PLB1: variants seen among roughly 807,000 people sequenced by gnomAD.
The protein encoded by PLB1 is phospholipase B1, membrane-associated.
In PLB1, 242 loss-of-function variants were observed where a neutral mutation model predicts 227.4. That is an observed-to-expected ratio of 1.06 (90% confidence interval 0.96 to 1.18). The LOEUF is 1.18. Ranked by LOEUF, PLB1 falls within the 50% of genes most tolerant of loss-of-function variation. PLB1 has a pLI of 0.00. For missense variants in PLB1, 1,858 were observed against 1,816.3 expected (o/e 1.02, Z -0.42); for synonymous variants, 757 against 682.2 (o/e 1.11, Z -1.71).
chr2:28,560,468 A>G (rs959574725), intron 17 of PLB1, among the ~76,000 whole-genome samples: 1 of 152,174 alleles, frequency 6.6e-6, no homozygotes, highest in African/African-American at 2.4e-5. Context: ...GAGTAATTAC[A>G]TATATAGCAA....
intron 49 of PLB1, among the ~76,000 whole-genome samples, chr2:28,624,317 T>C (rs1224124312): frequency 1.3e-5 from 2 of 152,036 alleles, no homozygotes; most frequent in Admixed American, 6.6e-5. Flanking sequence ...GATCAAAGAG[T>C]ATATACTTTT....
At chr2:28,623,504 T>C (rs1023965273) in intron 49 of PLB1, among the ~76,000 whole-genome samples, 1 of 152,218 alleles carries the variant, frequency 6.6e-6, no homozygotes, top group Non-Finnish European at 1.5e-5. Context: ...AGTCTTTCTT[T>C]ATAGCTTTCT....
chr2:28,587,486 T>G (rs1451932824), intron 26 of PLB1, among the ~76,000 whole-genome samples: 1 of 152,144 alleles, frequency 6.6e-6, no homozygotes, highest in Non-Finnish European at 1.5e-5. Context: ...GGCACATGCC[T>G]GTAGCCTCAG....
At chr2:28,538,503 A>G in intron 10 of PLB1, 122 bp downstream of exon 10, 1 of 802,262 alleles carries the variant, frequency 1.2e-6, no homozygotes, top group Non-Finnish European at 2.0e-6. Context: ...GAAAGGGGAA[A>G]CTTTAGAGCA....
At chr2:28,576,346 G>A (rs1678934337) in intron 21 of PLB1, among the ~76,000 whole-genome samples, 1 of 152,166 alleles carries the variant, frequency 6.6e-6, no homozygotes, top group Non-Finnish European at 1.5e-5. Flanking sequence ...CATTTACAAG[G>A]CACCCTCACG....
chr2:28,541,390 C>T (rs1672461973), intron 12 of PLB1, among the ~76,000 whole-genome samples: 2 of 152,204 alleles, frequency 1.3e-5, no homozygotes, highest in South Asian at 2.1e-4. Context: ...CCTGACTCTA[C>T]TGAACTTAGC....
chr2:28,540,329 C>T, intron 11 of PLB1, 37 bp from the exon 12 acceptor site: 2 of 1,585,386 alleles, frequency 1.3e-6, no homozygotes, highest in Non-Finnish European at 1.7e-6. Context: ...CCCACACTGC[C>T]TCCCCTCTCT....
chr2:28,537,553 T>C (rs1305472495), intron 9 of PLB1, among the ~76,000 whole-genome samples: 2 of 149,530 alleles, frequency 1.3e-5, no homozygotes, highest in South Asian at 2.1e-4. Context: ...TAGCTGGGCA[T>C]GGTGGCGGGC....
chr2:28,639,911 C>T (rs182547972), intron 56 of PLB1, among the ~76,000 whole-genome samples: 6 of 152,302 alleles, frequency 3.9e-5, no homozygotes, highest in Admixed American at 3.9e-4. Context: ...AGAGAAGTAG[C>T]CAGCCCAGCA....
chr2:28,526,808 G>A (rs1670320028), intron 6 of PLB1, among the ~76,000 whole-genome samples: 1 of 152,192 alleles, frequency 6.6e-6, no homozygotes, highest in Non-Finnish European at 1.5e-5. Context: ...TGAAAGGAGG[G>A]GCCCATGAAT....
intron 43 of PLB1, among the ~76,000 whole-genome samples, chr2:28,612,769 A>ATTTTTTTTTTTTTTTTTTTTTTTTT (rs10557060): frequency 1.6e-5 from 2 of 124,908 alleles, no homozygotes; most frequent in African/African-American, 6.1e-5. Context: ...CCACACCTGG[A>ATTTTTTTTTTTTTTTTTTTTTTTTT]TTTTTTTTTT....
chr2:28,498,603 T>C (rs1666747315), intron 1 of PLB1, among the ~76,000 whole-genome samples: 1 of 152,204 alleles, frequency 6.6e-6, no homozygotes, highest in African/African-American at 2.4e-5. Flanking sequence ...CTCACTACCA[T>C]TTATTGAAAA....
At chr2:28,566,723 G>A in intron 19 of PLB1, 73 bp from the exon 20 acceptor site, 1 of 1,539,312 alleles carries the variant, frequency 6.5e-7, no homozygotes, top group East Asian at 2.2e-5. Flanking sequence ...GGGCGTTTCT[G>A]GCTAGTGTCT....
At chr2:28,510,254 A>G (rs182371373) in intron 1 of PLB1, among the ~76,000 whole-genome samples, 4 of 152,324 alleles carry the variant, frequency 2.6e-5, no homozygotes, top group African/African-American at 9.6e-5. Context: ...CTCACCTTAT[A>G]GGTGAGGAAA....
chr2:28,592,531 G>A (rs1682143731), intron 31 of PLB1, 130 bp from the exon 32 acceptor site: 1 of 893,752 alleles, frequency 1.1e-6, no homozygotes, highest in Non-Finnish European at 1.9e-6. Context: ...ATGGCACTGT[G>A]CACACCCAGC....
chr2:28,591,013 G>T, intron 29 of PLB1, 120 bp from the exon 30 acceptor site: 1 of 1,269,688 alleles, frequency 7.9e-7, no homozygotes, highest in Non-Finnish European at 1.1e-6. Flanking sequence ...TAGAGGCTGG[G>T]CTTGGGACAC....
chr2:28,551,953 T>C (rs1189320566), intron 16 of PLB1, among the ~76,000 whole-genome samples: 3 of 152,162 alleles, frequency 2.0e-5, no homozygotes, highest in Non-Finnish European at 2.9e-5. Flanking sequence ...TAGGCAGCAA[T>C]AACTATTTGT....
chr2:28,578,061 G>A (rs1448168022), intron 21 of PLB1, 46 bp from the exon 22 acceptor site: 2 of 1,590,918 alleles, frequency 1.3e-6, no homozygotes. Context: ...AAGGGCCCCT[G>A]CCAGTCCCCA....
intron 21 of PLB1, 42 bp downstream of exon 21, chr2:28,573,347 T>G (rs1367517004): frequency 4.1e-6 from 6 of 1,463,046 alleles, no homozygotes; most frequent in Non-Finnish European, 5.7e-6. Flanking sequence ...ACAGGTCCTC[T>G]GAGGACCAGG....
Sources: allele counts gnomAD v4.1 joint callset (sites outside exome capture counted in the v4.1 genomes callset), GRCh38; gene constraint gnomAD v4.1.1; transcripts MANE v1.5; gene names NCBI Gene and HGNC (gene_info 2026-07-23, HGNC 2026-07-21).